Variants in ARL10 observed in about 807,000 individuals in gnomAD.
ARL10 encodes ARF like GTPase 10.
ARL10 carries 23 observed loss-of-function variants against 26.1 expected under a neutral mutation model. The observed-to-expected ratio is 0.88, with a 90% CI of 0.63 to 1.25. The LOEUF (loss-of-function observed/expected upper bound fraction) is 1.25. Ranked by LOEUF, ARL10 falls within the 50% of genes most tolerant of loss-of-function variation. The pLI, the probability that ARL10 is intolerant of heterozygous loss-of-function variation, is 0.00. For missense variants in ARL10, 300 were observed against 323.6 expected (o/e 0.93, Z 0.56); for synonymous variants, 138 against 149.1 (o/e 0.93, Z 0.54).
the ARL10 span, among the ~76,000 whole-genome samples, chr5:176,412,889 C>T: frequency 6.6e-6 from 1 of 152,138 alleles, no homozygotes. Context: ...CAGGGCCTCA[C>T]GTTACCAGGG....
intron 1 of ARL10, chr5:176,388,158 C>A: frequency 1.8e-6 from 2 of 1,113,872 alleles, no homozygotes; most frequent in Non-Finnish European, 2.7e-6. Flanking sequence ...ATGGGCAGTA[C>A]CACGTTCTGA....
Position 176,374,815 on chromosome 5 carries a change from C to T in ARL10, c.*2920C>T, listed in dbSNP as rs1025571087. On this transcript the variant is annotated 3_prime_UTR_variant, in exon 4 of 4. Transcript: ENST00000310389. ...AGCTTGCTGTCTACCATTCAGGATG[C>T]CTGCAAACCAACCACTAGCTGCTCC... The T allele has an allele frequency of 2.6e-5, 4 of 152,182 alleles. No homozygotes were observed. The highest frequency in any genetic ancestry group is 4.4e-5 in the Non-Finnish European group (3 of 68,040). 9.4% of individuals were successfully genotyped at this position (152,182 alleles called of 1,614,324 possible). A position where few individuals can be genotyped will look rare whatever the true frequency, so the allele number is the denominator to read the frequency against.
downstream of ARL10, chr5:176,386,819 G>A (rs375664774): frequency 1.9e-6 from 3 of 1,607,838 alleles, no homozygotes; most frequent in African/African-American, 1.3e-5. Flanking sequence ...TGACCTAAAG[G>A]AATATATGGA....
chr5:176,369,010 C>T, intron 3 of ARL10, 28 bp downstream of exon 3: 1 of 1,611,622 alleles, frequency 6.2e-7, no homozygotes, highest in Non-Finnish European at 8.5e-7. Context: ...GCAGCTCGGT[C>T]CAGGTGACAT....
At chr5:176,385,015 G>C, downstream of ARL10, 1 of 584,566 alleles carries the variant, frequency 1.7e-6, no homozygotes, top group Admixed American at 3.0e-5. Context: ...ATCTGTGAGT[G>C]AGACTGGAAC....
intron 1 of ARL10, chr5:176,387,060 C>A (rs1248090187): frequency 3.4e-6 from 2 of 593,244 alleles, no homozygotes; most frequent in Non-Finnish European, 6.0e-6. Flanking sequence ...GCCCTGGAGG[C>A]TTTTTCTCTC....
rs1756641955 is a variant in ARL10, at chr5:176,398,139, ACT to A, written c.134-3600_134-3599del. On this transcript the variant is annotated intron_variant, in intron 1 of 1. Coordinates refer to the ARL10 transcript ENST00000514533. ...CTGGGGACCCACTCATGTCTGGATA[ACT>A]CAGCCTCAAACAACCTCATACCCAC... 51 of 1,170,432 alleles carry A rather than the reference ACT, an allele frequency of 4.4e-5. No individual in the cohort carries two copies. The South Asian group carries it at 6.3e-4, about 14-fold the overall frequency. 72.5% of individuals were successfully genotyped at this position (1,170,432 alleles called of 1,614,324 possible). A position where few individuals can be genotyped will look rare whatever the true frequency, so the allele number is the denominator to read the frequency against.
rs570358954 is a variant in ARL10 at position 176,366,090 on chromosome 5, G to C, written c.184-290G>C. ...CTCGCGCCCCTCCGGCGCCTGCGCA[G>C]TGCACCCCGCCCGGGGGTGGGGATG... On this transcript the variant is annotated intron_variant, in intron 1 of 3. Coordinates refer to ENST00000310389, the MANE Select transcript of ARL10 (RefSeq NM_173664.6). 3.3e-3 allele frequency among the ~76,000 whole-genome samples: 501 copies of C among 152,300 alleles called. 3 individuals carry two copies. The highest frequency in any genetic ancestry group is 0.011 in the African/African-American group (475 of 41,588).
At position 176,376,538 on chromosome 5, in the gene ARL10, G is replaced by C. The variant is rs890606476; in HGVS notation, c.*4643G>C. 1 of 152,162 alleles carries C rather than the reference G, an allele frequency of 6.6e-6. No homozygotes were observed. The highest frequency in any genetic ancestry group is 1.5e-5 in the Non-Finnish European group (1 of 68,026). The allele number at this position is 152,162 out of a possible 1,614,324, so 9.4% of individuals were successfully genotyped here. On this transcript the variant is annotated 3_prime_UTR_variant, in exon 4 of 4. Transcript: ENST00000310389. The stretch of plus-strand genomic sequence containing the variant: ...TAGAGCATTAGCCTTTGCTAAAGCC[G>C]GCCCCAGATTATGGTCCCACGGATT...
chr5:176,366,834 G>A (rs764031398), intron 2 of ARL10, among the ~76,000 whole-genome samples: 12 of 152,018 alleles, frequency 7.9e-5, no homozygotes, highest in Non-Finnish European at 1.2e-4. Flanking sequence ...CTAACACAGA[G>A]ATACTAACAG....
chr5:176,389,011 A>T, downstream of ARL10: 1 of 1,610,732 alleles, frequency 6.2e-7, no homozygotes, highest in Non-Finnish European at 8.5e-7. Flanking sequence ...AGGAGAGGAC[A>T]GTGATGTCGG....
At chr5:176,369,637 C>A (rs939336872) in intron 3 of ARL10, among the ~76,000 whole-genome samples, 16 of 152,134 alleles carry the variant, frequency 1.1e-4, no homozygotes, top group African/African-American at 3.9e-4. Flanking sequence ...GTCTTATAAT[C>A]TTTCCAAGGT....
At chr5:176,402,921 G>C (rs1040973236), downstream of ARL10, among the ~76,000 whole-genome samples, 1 of 152,216 alleles carries the variant, frequency 6.6e-6, no homozygotes, top group Non-Finnish European at 1.5e-5. Flanking sequence ...CGTGGGCCTG[G>C]AGCCTTTGGG....
Position 176,379,089 on chromosome 5 carries a change from T to G in ARL10, c.*7194T>G, listed in dbSNP as rs1159394914. On this transcript the variant is annotated 3_prime_UTR_variant, in exon 4 of 4. Coordinates refer to ENST00000310389, the MANE Select transcript of ARL10 (RefSeq NM_173664.6). ...TGCCTTTAAACAATTGGGATATGCC[T>G]TAGCTATGGGGTCTAATTGCAGGCC... 6.6e-6 allele frequency: 1 copy of G among 152,120 alleles called. No homozygotes were observed. Among genetic ancestry groups the G allele is most frequent in the Non-Finnish European group, 1.5e-5 (1 of 68,018 alleles). The allele number at this position is 152,120 out of a possible 1,614,324, so 9.4% of individuals were successfully genotyped here.
downstream of ARL10, among the ~76,000 whole-genome samples, chr5:176,391,472 TGTG>T (rs1041927856): frequency 4.6e-5 from 7 of 152,144 alleles, no homozygotes; most frequent in African/African-American, 9.6e-5. Flanking sequence ...ATTAGCCAAA[TGTG>T]GTGGCACGTG....
At chr5:176,406,741 GCT>G (rs1233196102), downstream of ARL10, 1 of 1,270,700 alleles carries the variant, frequency 7.9e-7, no homozygotes, top group African/African-American at 1.5e-5. Context: ...AAGCACAAAA[GCT>G]CTGTCTGGGA....
At chr5:176,382,451 C>T (rs1043806171), downstream of ARL10, among the ~76,000 whole-genome samples, 3 of 152,168 alleles carry the variant, frequency 2.0e-5, no homozygotes, top group South Asian at 4.1e-4. Context: ...TGGGTGGCAG[C>T]GAGCATGCAG....
At chr5:176,384,485 T>TG, downstream of ARL10, 3 of 1,089,196 alleles carry the variant, frequency 2.8e-6, no homozygotes, top group Non-Finnish European at 4.0e-6. Context: ...TCCAGAATCC[T>TG]GACCTCAAAG....
downstream of ARL10, chr5:176,384,509 G>T: frequency 1.2e-6 from 1 of 822,388 alleles, no homozygotes; most frequent in Non-Finnish European, 1.9e-6. Context: ...GTGGTGCACC[G>T]GGCACAGTGG....
Sources: gnomAD v4.1 joint callset for allele counts (sites outside exome capture counted in the v4.1 genomes callset) on GRCh38, gnomAD v4.1.1 for gene constraint, MANE v1.5 for transcripts, NCBI Gene and HGNC (gene_info 2026-07-23, HGNC 2026-07-21) for gene names.